The following NDUFS4 variants were observed in gnomAD, a reference collection of about 807,000 sequenced individuals.
The protein encoded by NDUFS4 is NADH dehydrogenase [ubiquinone] iron-sulfur protein 4, mitochondrial.
A neutral mutation model predicts 24.3 loss-of-function variants in NDUFS4; 28 were observed. That is an observed-to-expected ratio of 1.15 (90% confidence interval 0.85 to 1.58). The LOEUF (loss-of-function observed/expected upper bound fraction) is 1.58, where lower values mean the gene tolerates loss of function less well. NDUFS4 is among the 40% of genes most tolerant of loss of function. The probability of loss-of-function intolerance (pLI) is 0.00; values close to 1 mark genes in which losing one functional copy is unlikely to be tolerated. For missense variants in NDUFS4, 223 were observed against 207.9 expected (o/e 1.07, Z -0.45); for synonymous variants, 93 against 69.7 (o/e 1.34, Z -1.67).
intron 1 of NDUFS4, among the ~76,000 whole-genome samples, chr5:53,561,333 A>G (rs1001593443): frequency 4.6e-5 from 7 of 152,284 alleles, no homozygotes; most frequent in African/African-American, 1.7e-4. Flanking sequence ...GCTGGTGGTA[A>G]TGCCTGGAGG....
chr5:53,610,492 A>C (rs1398157474), intron 2 of NDUFS4, among the ~76,000 whole-genome samples: 2 of 152,096 alleles, frequency 1.3e-5, no homozygotes, highest in Non-Finnish European at 2.9e-5. Context: ...ACACCAGTAG[A>C]CCTCAACAGA....
chr5:53,680,009 A>C, intron 4 of NDUFS4, among the ~76,000 whole-genome samples: 1 of 152,176 alleles, frequency 6.6e-6, no homozygotes, highest in Non-Finnish European at 1.5e-5. Context: ...TTTTCAAATA[A>C]AAGGAAATGA....
intron 4 of NDUFS4, among the ~76,000 whole-genome samples, chr5:53,678,942 T>G (rs1359145072): frequency 6.6e-6 from 1 of 152,176 alleles, no homozygotes; most frequent in African/African-American, 2.4e-5. Flanking sequence ...CCAGTAAATT[T>G]GTTCATCCAG....
intron 1 of NDUFS4, among the ~76,000 whole-genome samples, chr5:53,590,276 A>G (rs1394537088): frequency 6.6e-6 from 1 of 152,158 alleles, no homozygotes; most frequent in Non-Finnish European, 1.5e-5. Context: ...TGTCTGTTAC[A>G]TTTTCATAAG....
chr5:53,682,735 G>GAAT, intron 4 of NDUFS4, among the ~76,000 whole-genome samples: 1 of 152,044 alleles, frequency 6.6e-6, no homozygotes, highest in African/African-American at 2.4e-5. Context: ...CCAACTTTTA[G>GAAT]AATAATAGTG....
chr5:53,630,341 C>T lies in NDUFS4; in HGVS notation c.178-15892C>T, dbSNP rs186242214. Among the ~76,000 whole-genome samples, 342 of 152,110 alleles carry T rather than the reference C, an allele frequency of 2.2e-3. 1 individual carries two copies. Among genetic ancestry groups the T allele is most frequent in the Non-Finnish European group, 2.9e-3 (200 of 68,002 alleles). ...TTTCTTCATTTCAACCTTCGTGAAT[C>T]CTACGATTATGTGTCTTGGGGTCGC... On this transcript the variant is annotated intron_variant, in intron 2 of 4. Coordinates refer to ENST00000296684, the MANE Select transcript of NDUFS4 (RefSeq NM_002495.4).
chr5:53,624,045 A>G (rs1751143398), intron 2 of NDUFS4, among the ~76,000 whole-genome samples: 2 of 152,176 alleles, frequency 1.3e-5, no homozygotes, highest in Admixed American at 1.3e-4. Flanking sequence ...TAACTGTTGT[A>G]TATGGTGTAA....
intron 4 of NDUFS4, among the ~76,000 whole-genome samples, chr5:53,666,849 G>A (rs1752529759): frequency 1.3e-5 from 2 of 152,198 alleles, no homozygotes; most frequent in South Asian, 2.1e-4. Flanking sequence ...CAGGAGAATC[G>A]CTTGAACTCA....
chr5:53,633,312 G>T (rs1490335652), intron 2 of NDUFS4, among the ~76,000 whole-genome samples: 1 of 152,158 alleles, frequency 6.6e-6, no homozygotes, highest in Non-Finnish European at 1.5e-5. Flanking sequence ...AAGCAAAAAG[G>T]TCACTGTGAC....
chr5:53,636,346 A>G (rs1000575557), intron 2 of NDUFS4, among the ~76,000 whole-genome samples: 4 of 152,202 alleles, frequency 2.6e-5, no homozygotes, highest in Admixed American at 2.6e-4. Context: ...AGGAAAAGGG[A>G]AGTTTTAATT....
rs571768659 is a variant in NDUFS4 at position 53,680,285 on chromosome 5, G to A, written c.425-2833G>A. On this transcript the variant is annotated intron_variant, in intron 4 of 4. Coordinates refer to ENST00000296684, the MANE Select transcript of NDUFS4 (RefSeq NM_002495.4). ...CAATAAAAATACATTTCAGTGTGGCGATTCCTCAGGGATCTAGAACTAGAA... is the reference window on the plus strand; with the variant it reads ...CAATAAAAATACATTTCAGTGTGGCAATTCCTCAGGGATCTAGAACTAGAA... 2.8e-4 allele frequency among the ~76,000 whole-genome samples: 43 copies of A among 152,152 alleles called. 1 individual carries two copies. Among genetic ancestry groups the A allele is most frequent in the East Asian group, 3.9e-4 (2 of 5,176 alleles).
intron 4 of NDUFS4, among the ~76,000 whole-genome samples, chr5:53,675,265 C>T (rs1046746523): frequency 3.4e-5 from 5 of 147,856 alleles, no homozygotes; most frequent in Admixed American, 1.4e-4. Flanking sequence ...CGGGTTCATG[C>T]CATTCTCCAG....
chr5:53,627,405 G>C (rs147992869), intron 2 of NDUFS4, among the ~76,000 whole-genome samples: 19,456 of 151,984 alleles, frequency 0.13, 1,484 homozygotes, highest in Middle Eastern at 0.18. Context: ...TAGTTTTTTC[G>C]AATTCTGTGA....
intron 2 of NDUFS4, among the ~76,000 whole-genome samples, chr5:53,631,357 G>A (rs978559655): frequency 2.0e-5 from 3 of 152,168 alleles, no homozygotes; most frequent in Non-Finnish European, 4.4e-5. Context: ...AGGCTACACG[G>A]CAGTCAGGGA....
intron 4 of NDUFS4, among the ~76,000 whole-genome samples, chr5:53,667,262 T>C (rs1752542653): frequency 6.6e-6 from 1 of 151,912 alleles, no homozygotes; most frequent in African/African-American, 2.4e-5. Flanking sequence ...GGTCAGGAGT[T>C]TGAGATCAGC....
In NDUFS4 at chr5:53,683,157, C is replaced by CCAAGT. The variant is rs1445075330; in HGVS notation, c.466_470dup (p.Lys158SerfsTer33). The CCAAGT allele has an allele frequency of 1.9e-6, 3 of 1,612,396 alleles. No homozygotes were observed. Among genetic ancestry groups the CCAAGT allele is most frequent in the Middle Eastern group, 3.3e-4 (2 of 6,052 alleles). ...ATTGAAGAGAGGAAGGTTCCAAAAC[C>CCAAGT]CAAGTCCAAGTCTTATGGTGCAAAC... On this transcript the variant is annotated frameshift_variant, in exon 5 of 5. Transcript: ENST00000296684. LOFTEE classifies it high-confidence loss of function.
At chr5:53,563,625 C>T (rs1748928731) in intron 1 of NDUFS4, among the ~76,000 whole-genome samples, 1 of 151,996 alleles carries the variant, frequency 6.6e-6, no homozygotes, top group Non-Finnish European at 1.5e-5. Flanking sequence ...CCCCAGCCTC[C>T]AGAGTAGCTG....
At chr5:53,609,091 T>C (rs1750617603) in intron 2 of NDUFS4, among the ~76,000 whole-genome samples, 1 of 152,218 alleles carries the variant, frequency 6.6e-6, no homozygotes, top group Non-Finnish European at 1.5e-5. Context: ...TTCAAACGCG[T>C]GCTAATGTTG....
At chr5:53,597,920 A>G (rs1259058518) in intron 1 of NDUFS4, among the ~76,000 whole-genome samples, 1 of 152,224 alleles carries the variant, frequency 6.6e-6, no homozygotes, top group East Asian at 1.9e-4. Context: ...AAAACAAGCA[A>G]CCCAATTAAA....
Sources: gnomAD v4.1 joint callset for allele counts (sites outside exome capture counted in the v4.1 genomes callset) on GRCh38, gnomAD v4.1.1 for gene constraint, MANE v1.5 for transcripts, NCBI Gene and HGNC (gene_info 2026-07-23, HGNC 2026-07-21) for gene names.